NELL1: variants seen among roughly 807,000 people sequenced by gnomAD.
NELL1 encodes neural EGFL like 1.
NELL1 carries 76 observed loss-of-function variants against 107.4 expected under a neutral mutation model. The observed-to-expected ratio is 0.71, with a 90% confidence interval of 0.59 to 0.86. The LOEUF (loss-of-function observed/expected upper bound fraction) is 0.86. Ranked by LOEUF, NELL1 falls within the 40% of genes least tolerant of loss-of-function variation. NELL1 has a pLI of 0.00. For synonymous variants in NELL1, 353 were observed against 341.2 expected, an observed-to-expected ratio of 1.03 and a Z score of -0.38; for missense variants, 1,024 against 1,005.5, an observed-to-expected ratio of 1.02 and a Z score of -0.25.
chr11:20,778,204 G>GT (rs1332082427), intron 2 of NELL1, among the ~76,000 whole-genome samples: 1 of 152,086 alleles, frequency 6.6e-6, no homozygotes, highest in Non-Finnish European at 1.5e-5. Flanking sequence ...GGCCTCCTCT[G>GT]TTTTTTTGTG....
chr11:21,037,746 T>C (rs914037669), intron 12 of NELL1, among the ~76,000 whole-genome samples: 42 of 152,274 alleles, frequency 2.8e-4, no homozygotes, highest in African/African-American at 9.6e-4. Flanking sequence ...CCTCCTTTTT[T>C]TGACCCCTGC....
In NELL1 at chr11:21,003,766, G is replaced by C. The variant is rs1296350516; in HGVS notation, c.1300+43206G>C. 2.0e-5 allele frequency among the ~76,000 whole-genome samples: 3 copies of C among 152,032 alleles called. No homozygotes were observed. The East Asian group carries it at 5.8e-4, about 29-fold the overall frequency. On this transcript the variant is annotated intron_variant, in intron 12 of 19. Transcript: ENST00000357134. Reference sequence around the variant, plus strand: ...AAACAAACTGTGAGCACTAATGCTAGATTACCTTTTTTTAATTTTTTTATT... The same window carrying C: ...AAACAAACTGTGAGCACTAATGCTACATTACCTTTTTTTAATTTTTTTATT...
intron 3 of NELL1, among the ~76,000 whole-genome samples, chr11:20,833,726 G>A (rs922763428): frequency 6.6e-6 from 1 of 152,176 alleles, no homozygotes; most frequent in Admixed American, 6.5e-5. Context: ...ACTTCCTGGG[G>A]AGGTGACATT....
chr11:20,993,057 C>T (rs1049576513), intron 12 of NELL1, among the ~76,000 whole-genome samples: 2 of 152,106 alleles, frequency 1.3e-5, no homozygotes, highest in African/African-American at 4.8e-5. Flanking sequence ...TCATACTTTC[C>T]TCTTTTAATG....
chr11:21,291,717 G>C (rs533606088), intron 14 of NELL1, among the ~76,000 whole-genome samples: 4 of 152,216 alleles, frequency 2.6e-5, no homozygotes, highest in South Asian at 2.1e-4. Context: ...ACATCAAAAA[G>C]TTTATCCACC....
At position 21,408,106 on chromosome 11, in the gene NELL1, T is replaced by G. The variant is rs534606626; in HGVS notation, c.1645+37158T>G. ...TTGTGCTCATGGAGAGCAGCATGAG[T>G]TGATCATAGCTCTCTTTCTTGAGAT... On this transcript the variant is annotated intron_variant, in intron 15 of 19. Coordinates refer to ENST00000357134, the MANE Select transcript of NELL1 (RefSeq NM_006157.5). Among the ~76,000 whole-genome samples, 34 of 152,032 alleles carry G rather than the reference T, an allele frequency of 2.2e-4. 1 individual carries two copies. In the South Asian group the frequency reaches 6.4e-3, roughly 29 times the overall value.
chr11:21,253,737 G>A (rs1565132080), intron 14 of NELL1, among the ~76,000 whole-genome samples: 1 of 152,204 alleles, frequency 6.6e-6, no homozygotes, highest in East Asian at 1.9e-4. Flanking sequence ...ATAATAGTCA[G>A]TCAGCCAAGG....
At chr11:21,407,408 C>T (rs1005485155) in intron 15 of NELL1, among the ~76,000 whole-genome samples, 1 of 151,930 alleles carries the variant, frequency 6.6e-6, no homozygotes, top group East Asian at 2.0e-4. Flanking sequence ...AGAGTGAGAC[C>T]CTGTCTCAAA....
intron 14 of NELL1, among the ~76,000 whole-genome samples, chr11:21,360,292 A>G (rs1376255134): frequency 6.6e-6 from 1 of 152,070 alleles, no homozygotes; most frequent in Non-Finnish European, 1.5e-5. Context: ...ATGTATTTGT[A>G]TAGTTTTGGG....
chr11:21,422,417 A>G (rs999835009), intron 15 of NELL1, among the ~76,000 whole-genome samples: 12 of 152,150 alleles, frequency 7.9e-5, no homozygotes, highest in Non-Finnish European at 1.6e-4. Context: ...TTATAAGCTA[A>G]AAGGTAGTAT....
At chr11:20,955,408 T>C (rs1167536030) in intron 11 of NELL1, among the ~76,000 whole-genome samples, 1 of 152,210 alleles carries the variant, frequency 6.6e-6, no homozygotes, top group South Asian at 2.1e-4. Flanking sequence ...TCTGAGAGGA[T>C]ATATGACATA....
chr11:21,081,796 T>G lies in NELL1; in HGVS notation c.1301-31793T>G, dbSNP rs190257261. ...CAATCTAATGCAGCCAGAGTGATCT[T>G]CGTAAAAAGTATAAATTAAATCATG... On this transcript the variant is annotated intron_variant, in intron 12 of 19. Transcript: ENST00000357134. Among the ~76,000 whole-genome samples the G allele has an allele frequency of 1.5e-3, 230 of 152,310 alleles. 1 individual carries two copies. Among genetic ancestry groups the G allele is most frequent in the African/African-American group, 5.2e-3 (216 of 41,574 alleles).
chr11:21,333,287 C>T (rs1340927109), intron 14 of NELL1, among the ~76,000 whole-genome samples: 1 of 151,920 alleles, frequency 6.6e-6, no homozygotes. Context: ...TCAGAAAGAC[C>T]TAGTTTTGAA....
At chr11:20,895,816 C>T (rs1257401048) in intron 5 of NELL1, among the ~76,000 whole-genome samples, 2 of 151,984 alleles carry the variant, frequency 1.3e-5, no homozygotes, top group Non-Finnish European at 2.9e-5. Context: ...AGATACTTGC[C>T]TTTTTTATGC....
At chr11:21,043,692 G>A (rs558003921) in intron 12 of NELL1, among the ~76,000 whole-genome samples, 92 of 152,268 alleles carry the variant, frequency 6.0e-4, no homozygotes, top group African/African-American at 2.0e-3. Context: ...TCTCCAGTGA[G>A]AGAGGATGGA....
chr11:21,061,856 A>T (rs1323808055), intron 12 of NELL1, among the ~76,000 whole-genome samples: 1 of 152,186 alleles, frequency 6.6e-6, no homozygotes, highest in Non-Finnish European at 1.5e-5. Flanking sequence ...GCCATGTTTT[A>T]TTAGATGAGG....
intron 16 of NELL1, among the ~76,000 whole-genome samples, chr11:21,542,904 C>T (rs1399292318): frequency 1.3e-5 from 2 of 151,902 alleles, no homozygotes; most frequent in African/African-American, 4.8e-5. Context: ...AATATCCTGG[C>T]AGTCAGAGCA....
intron 15 of NELL1, among the ~76,000 whole-genome samples, chr11:21,393,644 TCTAA>T (rs796258931): frequency 7.9e-5 from 12 of 151,876 alleles, no homozygotes; most frequent in African/African-American, 2.9e-4. Flanking sequence ...AAAGCATTGC[TCTAA>T]CTCTCAGATG....
chr11:21,424,999 G>C (rs1345124299), intron 15 of NELL1, among the ~76,000 whole-genome samples: 4 of 151,966 alleles, frequency 2.6e-5, no homozygotes, highest in African/African-American at 4.8e-5. Context: ...CTACAAACCA[G>C]TATCACTTAT....
Sources: gnomAD v4.1 joint callset for allele counts (sites outside exome capture counted in the v4.1 genomes callset) on GRCh38, gnomAD v4.1.1 for gene constraint, MANE v1.5 for transcripts, NCBI Gene and HGNC (gene_info 2026-07-23, HGNC 2026-07-21) for gene names.